Variants in AGBL4 observed in about 807,000 individuals in gnomAD.
The protein encoded by AGBL4 is cytosolic carboxypeptidase 6.
In AGBL4, 58 loss-of-function variants were observed where a neutral mutation model predicts 66.4. The observed-to-expected ratio is 0.87, with a 90% CI of 0.71 to 1.09. The LOEUF is 1.09. AGBL4 is among the 50% of genes least tolerant of loss of function. The probability of loss-of-function intolerance (pLI) is 0.00; values close to 1 mark genes in which losing one functional copy is unlikely to be tolerated. For synonymous variants in AGBL4, 234 were observed against 222.9 expected, an observed-to-expected ratio of 1.05 and a Z score of -0.44; for missense variants, 579 against 631.0, an observed-to-expected ratio of 0.92 and a Z score of 0.88.
At chr1:49,294,223 T>G (rs1644598314) in intron 3 of AGBL4, among the ~76,000 whole-genome samples, 1 of 152,212 alleles carries the variant, frequency 6.6e-6, no homozygotes, top group African/African-American at 2.4e-5. Context: ...CCCAATGTTA[T>G]AGGGAGACTA....
At chr1:49,495,910 C>A (rs1647515865) in intron 3 of AGBL4, among the ~76,000 whole-genome samples, 1 of 152,034 alleles carries the variant, frequency 6.6e-6, no homozygotes, top group African/African-American at 2.4e-5. Context: ...TTGGAATTCT[C>A]TATCCTTAAT....
intron 5 of AGBL4, among the ~76,000 whole-genome samples, chr1:48,905,756 G>A (rs187550024): frequency 1.9e-4 from 29 of 152,162 alleles, no homozygotes; most frequent in Admixed American, 5.9e-4. Context: ...TGTACCTTTG[G>A]TTGAGATCCA....
At chr1:48,623,678 C>T (rs1645452507) in intron 9 of AGBL4, among the ~76,000 whole-genome samples, 1 of 152,200 alleles carries the variant, frequency 6.6e-6, no homozygotes. Context: ...TGGAGAAGTT[C>T]CACACATACT....
At chr1:48,952,547 A>G (rs1657087112) in intron 5 of AGBL4, among the ~76,000 whole-genome samples, 1 of 152,226 alleles carries the variant, frequency 6.6e-6, no homozygotes, top group African/African-American at 2.4e-5. Flanking sequence ...GACTAAATGA[A>G]TGGAATGAAT....
chr1:50,023,474 A>T (rs759689760), intron 1 of AGBL4, among the ~76,000 whole-genome samples: 19 of 152,112 alleles, frequency 1.2e-4, no homozygotes, highest in Non-Finnish European at 1.6e-4. Flanking sequence ...TGATCCCAGG[A>T]TTAAGATCCT....
chr1:49,333,013 C>T (rs1645364227), intron 3 of AGBL4, among the ~76,000 whole-genome samples: 1 of 152,120 alleles, frequency 6.6e-6, no homozygotes, highest in Admixed American at 6.6e-5. Context: ...TCTCTAACCA[C>T]AAGTAATGAT....
chr1:49,980,054 C>T (rs573579050), intron 1 of AGBL4, among the ~76,000 whole-genome samples: 110 of 152,090 alleles, frequency 7.2e-4, no homozygotes, highest in African/African-American at 2.5e-3. Context: ...GGTAGGAATA[C>T]AGTATATAAT....
intron 2 of AGBL4, among the ~76,000 whole-genome samples, chr1:49,800,329 C>A (rs142711421): frequency 2.2e-4 from 33 of 151,386 alleles, no homozygotes; most frequent in African/African-American, 7.5e-4. Context: ...TTGGGGAACT[C>A]CATTTATTTT....
chr1:49,618,518 A>G, intron 3 of AGBL4, among the ~76,000 whole-genome samples: 1 of 152,220 alleles, frequency 6.6e-6, no homozygotes, highest in East Asian at 1.9e-4. Context: ...ACAGATTCAC[A>G]GGCAAATTCT....
At chr1:49,854,865 CA>C (rs539226935) in intron 1 of AGBL4, among the ~76,000 whole-genome samples, 49 of 152,280 alleles carry the variant, frequency 3.2e-4, no homozygotes, top group South Asian at 2.9e-3. Flanking sequence ...CTGCCATAAA[CA>C]GAAACAACAC....
intron 2 of AGBL4, among the ~76,000 whole-genome samples, chr1:49,822,407 C>A (rs974132324): frequency 1.3e-5 from 2 of 151,840 alleles, no homozygotes; most frequent in Admixed American, 6.6e-5. Flanking sequence ...AGGCTCACTG[C>A]AACCTCCACC....
chr1:48,867,358 A>C, intron 5 of AGBL4, 128 bp from the exon 6 acceptor site: 1 of 916,370 alleles, frequency 1.1e-6, no homozygotes. Flanking sequence ...GGAATGTGGT[A>C]CTCACTTCCA....
chr1:49,363,634 C>T (rs1644185759), intron 3 of AGBL4, among the ~76,000 whole-genome samples: 1 of 152,276 alleles, frequency 6.6e-6, no homozygotes, highest in South Asian at 2.1e-4. Context: ...TTGAAGTTCT[C>T]TTTACCTTGA....
At chr1:48,968,021 G>A (rs1658586724) in intron 5 of AGBL4, among the ~76,000 whole-genome samples, 1 of 151,924 alleles carries the variant, frequency 6.6e-6, no homozygotes, top group African/African-American at 2.4e-5. Context: ...TGTCTTGATG[G>A]CCTTTGTTTT....
intron 5 of AGBL4, among the ~76,000 whole-genome samples, chr1:48,968,283 G>C (rs898447344): frequency 5.9e-5 from 9 of 152,094 alleles, no homozygotes; most frequent in African/African-American, 2.2e-4. Context: ...GATCACATGT[G>C]GCCTCTCGAG....
chr1:49,874,898 A>C (rs1646940901), intron 1 of AGBL4, among the ~76,000 whole-genome samples: 1 of 151,486 alleles, frequency 6.6e-6, no homozygotes, highest in African/African-American at 2.4e-5. Flanking sequence ...ATATGTATAC[A>C]TGTGACATGC....
chr1:49,919,282 A>T (rs1258429147), intron 1 of AGBL4, among the ~76,000 whole-genome samples: 2 of 152,224 alleles, frequency 1.3e-5, no homozygotes, highest in Non-Finnish European at 2.9e-5. Context: ...TTAGGAAAAC[A>T]GGAAGTCACA....
chr1:49,402,803 G>T (rs989223467), intron 3 of AGBL4, among the ~76,000 whole-genome samples: 2 of 152,052 alleles, frequency 1.3e-5, no homozygotes, highest in African/African-American at 4.8e-5. Context: ...CTGACCTCAG[G>T]TGATCTGCCC....
chr1:49,880,808 C>T (rs573657303), intron 1 of AGBL4, among the ~76,000 whole-genome samples: 12 of 151,830 alleles, frequency 7.9e-5, no homozygotes, highest in African/African-American at 2.2e-4. Flanking sequence ...TAGCAATCAG[C>T]GAGATTCCGT....
Sources: gnomAD v4.1 joint callset for allele counts (sites outside exome capture counted in the v4.1 genomes callset) on GRCh38, gnomAD v4.1.1 for gene constraint, MANE v1.5 for transcripts, NCBI Gene and HGNC (gene_info 2026-07-23, HGNC 2026-07-21) for gene names.